The following RAPGEF1 variants were observed in gnomAD, a reference collection of about 807,000 sequenced individuals.
RAPGEF1 encodes CRK SH3-binding GNRP.
In RAPGEF1, 33 loss-of-function variants were observed where a neutral mutation model predicts 143.3. The observed-to-expected ratio is 0.23, with a 90% CI of 0.17 to 0.31. The LOEUF (loss-of-function observed/expected upper bound fraction) is 0.31. RAPGEF1 is among the 10% of genes least tolerant of loss of function. RAPGEF1 has a pLI of 1.00. For synonymous variants in RAPGEF1, 629 were observed against 676.5 expected (o/e 0.93, Z 1.09); for missense variants, 1,199 against 1,645.4 (o/e 0.73, Z 4.69).
At chr9:131,602,469 T>C (rs1956431490) in intron 14 of RAPGEF1, among the ~76,000 whole-genome samples, 1 of 152,208 alleles carries the variant, frequency 6.6e-6, no homozygotes, top group African/African-American at 2.4e-5. Context: ...GACTGGGCTC[T>C]AGGCTGTGCC....
At chr9:131,707,498 T>C (rs146840384) in intron 1 of RAPGEF1, among the ~76,000 whole-genome samples, 2 of 152,318 alleles carry the variant, frequency 1.3e-5, no homozygotes, top group East Asian at 3.9e-4. Context: ...TGGAGTGCAG[T>C]GGCATGACCT....
At chr9:131,738,800 G>A (rs1357089405) in intron 1 of RAPGEF1, among the ~76,000 whole-genome samples, 2 of 152,284 alleles carry the variant, frequency 1.3e-5, no homozygotes, top group South Asian at 4.1e-4. Flanking sequence ...CGCTGCAGGG[G>A]TGCACCCCAC....
At position 131,588,805 on chromosome 9, in the gene RAPGEF1, C is replaced by G; in HGVS notation, c.3049G>C (p.Ala1017Pro). Residue 1017 changes from alanine to proline, a missense_variant, in exon 20 of 27, where the codon GCC (alanine) becomes CCC (proline). By Grantham distance (27) the Ala-to-Pro change is conservative. Coordinates refer to ENST00000683357, the MANE Select transcript of RAPGEF1 (RefSeq NM_001377935.1). ...SQPLAARGVA[A>P]RPGTLHDFHS... Reference sequence around the variant, plus strand: ...CTGGAGAGGTGGGCTTCTCACCTGGCTGCTACCCCCCGGGCTGCCAGGGGC... The same window carrying G: ...CTGGAGAGGTGGGCTTCTCACCTGGGTGCTACCCCCCGGGCTGCCAGGGGC... 1.2e-6 allele frequency: 2 copies of G among 1,611,320 alleles called. No homozygotes were observed. Among genetic ancestry groups the G allele is most frequent in the Non-Finnish European group, 1.7e-6 (2 of 1,178,690 alleles).
Position 131,650,005 on chromosome 9 carries a change from C to A in RAPGEF1, c.315+124G>T. ...GGACTCTTTCCTGAACAATTCAGCCCACGGTCACCACCCAGTTGAACATAA... is the reference window on the plus strand; with the variant it reads ...GGACTCTTTCCTGAACAATTCAGCCAACGGTCACCACCCAGTTGAACATAA... On this transcript the variant is annotated intron_variant, in intron 3 of 26. Coordinates refer to ENST00000683357, the MANE Select transcript of RAPGEF1 (RefSeq NM_001377935.1). The surrounding 1 kb of genome is among the most constrained non-coding windows in gnomAD (Gnocchi z 4.7). 1 of 731,534 alleles carries A rather than the reference C, an allele frequency of 1.4e-6. No individual in the cohort carries two copies. The highest frequency in any genetic ancestry group is 2.2e-6 in the Non-Finnish European group (1 of 453,000). 45.3% of individuals were successfully genotyped at this position (731,534 alleles called of 1,614,324 possible).
chr9:131,582,710 G>A lies in RAPGEF1; in HGVS notation c.3415-8C>T, dbSNP rs368253145. 62 of 1,550,906 alleles carry A rather than the reference G, an allele frequency of 4.0e-5. No individual in the cohort carries two copies. In the Middle Eastern group the frequency reaches 5.1e-4, roughly 13 times the overall value. Reference sequence around the variant, plus strand: ...GCAGTACTCGGCCAGGCCCTGGCAGGACAGGACAGGACAGGACCGGACAGG... The same window carrying A: ...GCAGTACTCGGCCAGGCCCTGGCAGAACAGGACAGGACAGGACCGGACAGG... On this transcript the variant is annotated splice_polypyrimidine_tract_variant and splice_region_variant and intron_variant, in intron 24 of 26. Transcript: ENST00000683357.
intron 1 of RAPGEF1, among the ~76,000 whole-genome samples, chr9:131,652,211 C>T (rs766837026): frequency 2.0e-4 from 30 of 151,814 alleles, no homozygotes; most frequent in South Asian, 4.2e-4. Context: ...CTTACTGTAA[C>T]TTTTTTACTT....
chr9:131,618,869 G>T (rs561833900), intron 12 of RAPGEF1, among the ~76,000 whole-genome samples, 182 bp downstream of exon 12: 32 of 152,322 alleles, frequency 2.1e-4, no homozygotes, highest in Admixed American at 1.2e-3. Context: ...GCCTCACCTG[G>T]ATGCCTCATG....
chr9:131,680,475 C>T (rs1295088487), intron 1 of RAPGEF1, among the ~76,000 whole-genome samples: 1 of 152,160 alleles, frequency 6.6e-6, no homozygotes, highest in Non-Finnish European at 1.5e-5. Context: ...GGCCATAATG[C>T]CCACGCTGGA....
chr9:131,579,285 G>A lies in RAPGEF1; in HGVS notation c.*212C>T, dbSNP rs1274317669. ...TGGCAACAAGACCTGCCTGCTGGCT[G>A]CCCTGAGGCCCACGGGTCTGCTCCC... On this transcript the variant is annotated 3_prime_UTR_variant, in exon 27 of 27. Coordinates refer to ENST00000683357, the MANE Select transcript of RAPGEF1 (RefSeq NM_001377935.1). 3 of 616,994 alleles carry A rather than the reference G, an allele frequency of 4.9e-6. No homozygotes were observed. The highest frequency in any genetic ancestry group is 8.3e-6 in the Non-Finnish European group (3 of 359,866). 38.2% of individuals were successfully genotyped at this position (616,994 alleles called of 1,614,324 possible).
intron 4 of RAPGEF1, among the ~76,000 whole-genome samples, chr9:131,639,894 G>T (rs3808799): frequency 0.21 from 32,321 of 152,126 alleles, 4,132 homozygotes; most frequent in Non-Finnish European, 0.29. Context: ...TCAGAATCAG[G>T]CAAGGAGGAA....
chr9:131,635,598 G>T (rs1438620832), intron 5 of RAPGEF1, among the ~76,000 whole-genome samples: 1 of 152,182 alleles, frequency 6.6e-6, no homozygotes, highest in Non-Finnish European at 1.5e-5. Flanking sequence ...ACGCCACCAG[G>T]GCATGGGCTT....
intron 1 of RAPGEF1, among the ~76,000 whole-genome samples, chr9:131,689,431 C>T (rs1219786223): frequency 6.6e-6 from 1 of 152,116 alleles, no homozygotes; most frequent in African/African-American, 2.4e-5. Flanking sequence ...TTTTAAGAAG[C>T]ATTTCAAGCA....
At chr9:131,664,973 G>A (rs1221416696) in intron 1 of RAPGEF1, among the ~76,000 whole-genome samples, 1 of 152,116 alleles carries the variant, frequency 6.6e-6, no homozygotes, top group Admixed American at 6.5e-5. Flanking sequence ...TACTGTATTA[G>A]ACATCCACAG....
At chr9:131,617,115 C>T (rs983529413) in intron 12 of RAPGEF1, among the ~76,000 whole-genome samples, 2 of 152,160 alleles carry the variant, frequency 1.3e-5, no homozygotes, top group Non-Finnish European at 2.9e-5. Flanking sequence ...AATTTTGTAG[C>T]GAACAGTCCA....
chr9:131,608,251 C>T (rs976932613), intron 12 of RAPGEF1, among the ~76,000 whole-genome samples: 14 of 152,182 alleles, frequency 9.2e-5, no homozygotes, highest in African/African-American at 3.1e-4. Context: ...CAGCAGCAGC[C>T]GTCCTCTCCT....
chr9:131,720,031 A>T (rs954126434), intron 1 of RAPGEF1, among the ~76,000 whole-genome samples: 1 of 152,002 alleles, frequency 6.6e-6, no homozygotes, highest in Non-Finnish European at 1.5e-5. Context: ...GACTACAGGC[A>T]TGGGCCACCA....
rs1039902209 is a variant in RAPGEF1, at chr9:131,616,141, G to A, written c.2061+2910C>T. Among the ~76,000 whole-genome samples the A allele has an allele frequency of 2.0e-4, 31 of 151,932 alleles. 1 individual carries two copies. Among genetic ancestry groups the A allele is most frequent in the Admixed American group, 9.8e-4 (15 of 15,248 alleles). ...AAATTAGCTGGGCGTTGTGGAGGGC[G>A]GCTGTAATCCCAGCTACTCCGGAGG... On this transcript the variant is annotated intron_variant, in intron 12 of 26. Transcript: ENST00000683357.
intron 10 of RAPGEF1, among the ~76,000 whole-genome samples, chr9:131,623,948 T>G (rs1467280708): frequency 6.6e-6 from 1 of 152,144 alleles, no homozygotes. Flanking sequence ...GAGGGTCCCC[T>G]CGGGGAGTGA....
chr9:131,645,568 A>T (rs1251564001), intron 3 of RAPGEF1, among the ~76,000 whole-genome samples: 2 of 152,240 alleles, frequency 1.3e-5, no homozygotes, highest in Non-Finnish European at 2.9e-5. Context: ...TACTCCCAGA[A>T]TTAATGGCCT....
Sources: gnomAD v4.1 joint callset for allele counts (sites outside exome capture counted in the v4.1 genomes callset) on GRCh38, gnomAD v4.1.1 for gene constraint, Gnocchi (gnomAD v3.1) non-coding constraint, MANE v1.5 for transcripts, NCBI Gene and HGNC (gene_info 2026-07-23, HGNC 2026-07-21) for gene names.